DIP2A: variants seen among roughly 807,000 people sequenced by gnomAD.
DIP2A encodes the protein disco-interacting protein 2 homolog A.
In DIP2A, 85 loss-of-function variants were observed where a neutral mutation model predicts 177.4. The ratio of observed to expected loss-of-function variants is 0.48; its 90% CI spans 0.40 to 0.57. The LOEUF (loss-of-function observed/expected upper bound fraction) is 0.57. Among genes scored for constraint, DIP2A ranks in the 20% least tolerant of loss-of-function variants. The pLI is 0.00. For missense variants in DIP2A, 1,791 were observed against 2,100.2 expected, an observed-to-expected ratio of 0.85 and a Z score of 2.88; for synonymous variants, 886 against 881.8, an observed-to-expected ratio of 1.00 and a Z score of -0.08.
chr21:46,493,124 G>A (rs900101418), intron 3 of DIP2A, among the ~76,000 whole-genome samples: 2 of 152,122 alleles, frequency 1.3e-5, no homozygotes, highest in Non-Finnish European at 2.9e-5. Flanking sequence ...TGTTGTTTAA[G>A]CCACTTAGTT....
intron 8 of DIP2A, among the ~76,000 whole-genome samples, chr21:46,513,834 A>C (rs1456037395): frequency 6.6e-6 from 1 of 152,168 alleles, no homozygotes; most frequent in Admixed American, 6.5e-5. Flanking sequence ...AATAAATATA[A>C]TGCAAATATT....
At chr21:46,486,939 G>A (rs777422054) in intron 2 of DIP2A, among the ~76,000 whole-genome samples, 3 of 152,176 alleles carry the variant, frequency 2.0e-5, no homozygotes, top group Admixed American at 6.5e-5. Flanking sequence ...AACATCGTGA[G>A]GATGAAGGAA....
chr21:46,486,091 AG>A (rs113394932), intron 2 of DIP2A, among the ~76,000 whole-genome samples: 45,200 of 89,806 alleles, frequency 0.5, 12,097 homozygotes, highest in East Asian at 0.66. Flanking sequence ...AAAAAAAAAA[AG>A]AACTAAAGAA....
intron 35 of DIP2A, among the ~76,000 whole-genome samples, chr21:46,565,509 C>A (rs1264299219): frequency 6.6e-6 from 1 of 152,238 alleles, no homozygotes; most frequent in African/African-American, 2.4e-5. Flanking sequence ...GGAAGAAACA[C>A]AGTATTTAAG....
At chr21:46,497,758 T>TA (rs1263269627) in intron 4 of DIP2A, among the ~76,000 whole-genome samples, 3 of 152,164 alleles carry the variant, frequency 2.0e-5, no homozygotes, top group Non-Finnish European at 4.4e-5. Context: ...TATTTGGAGA[T>TA]ACTACACAAT....
chr21:46,550,204 C>T, intron 22 of DIP2A: 2 of 741,708 alleles, frequency 2.7e-6, no homozygotes, highest in Non-Finnish European at 4.2e-6. Flanking sequence ...CCAGTCTGTG[C>T]AATATATCTC....
intron 1 of DIP2A, among the ~76,000 whole-genome samples, chr21:46,467,165 G>A (rs989052952): frequency 6.6e-6 from 1 of 151,830 alleles, no homozygotes; most frequent in Admixed American, 6.6e-5. Flanking sequence ...GCGTGGTGGT[G>A]GGTGCCTGTA....
chr21:46,570,510 A>G, downstream of DIP2A, among the ~76,000 whole-genome samples: 1 of 151,556 alleles, frequency 6.6e-6, no homozygotes, highest in East Asian at 1.9e-4. Context: ...AAGAATTATA[A>G]CCTCCATATA....
chr21:46,550,530 C>A lies in DIP2A; in HGVS notation c.2638-13C>A, dbSNP rs1172921864. The A allele has an allele frequency of 6.2e-7, 1 of 1,608,522 alleles. No individual in the cohort carries two copies. The highest frequency in any genetic ancestry group is 1.7e-5 in the Admixed American group (1 of 59,164). ...GTTGGGGGCCTGTGCCAAACAGGGT[C>A]CTTCCCTTTCAGGCCATTGATAGCA... On this transcript the variant is annotated splice_polypyrimidine_tract_variant and intron_variant, in intron 22 of 37. Transcript: ENST00000417564.
chr21:46,549,104 T>C (rs1048401314), intron 21 of DIP2A, among the ~76,000 whole-genome samples: 5 of 152,164 alleles, frequency 3.3e-5, no homozygotes, highest in African/African-American at 1.2e-4. Flanking sequence ...AACTCAGTAC[T>C]AGGTGAGGTC....
chr21:46,476,671 G>A (rs1001305967), intron 1 of DIP2A, among the ~76,000 whole-genome samples: 26 of 81,054 alleles, frequency 3.2e-4, no homozygotes, highest in African/African-American at 1.2e-3. Context: ...TTTTTTTTTT[G>A]GAGACAGAGT....
rs1011462881 is a variant in DIP2A, at chr21:46,567,743, C to T, written c.*121C>T. ...GCCCTTCCTGTGCTCTTACAGATCCCTCTCAACAATCCCCGCATCTCCTTT... is the reference window on the plus strand; with the variant it reads ...GCCCTTCCTGTGCTCTTACAGATCCTTCTCAACAATCCCCGCATCTCCTTT... On this transcript the variant is annotated 3_prime_UTR_variant, in exon 38 of 38. Transcript: ENST00000417564. 6.5e-6 allele frequency: 8 copies of T among 1,225,278 alleles called. No individual in the cohort carries two copies. The highest frequency in any genetic ancestry group is 8.8e-6 in the Non-Finnish European group (8 of 906,482). The allele number at this position is 1,225,278 out of a possible 1,614,324, so 75.9% of individuals were successfully genotyped here. A position where few individuals can be genotyped will look rare whatever the true frequency, so the allele number is the denominator to read the frequency against.
chr21:46,558,527 C>G (rs762925883), intron 32 of DIP2A, 134 bp downstream of exon 32: 4 of 854,942 alleles, frequency 4.7e-6, no homozygotes, highest in East Asian at 5.3e-5. Context: ...TATCTCATTT[C>G]CATGTAACAT....
In DIP2A at chr21:46,557,623, T is replaced by C; in HGVS notation, c.3668T>C (p.Leu1223Pro). The C allele has an allele frequency of 6.2e-7, 1 of 1,613,370 alleles. No homozygotes were observed. Among genetic ancestry groups the C allele is most frequent in the Non-Finnish European group, 8.5e-7 (1 of 1,179,788 alleles). ...CACCAATCAGTGCTGGTGCCCCCGC[T>C]GGAGCTGGAGAGCAACGTGTCCCTG... ...SGHQSVLVPP[L>P]ELESNVSLWL... Residue 1223 changes from leucine to proline, a missense_variant, in exon 31 of 38, where the codon CTG (leucine) becomes CCG (proline). Leu to Pro is a moderately conservative substitution (Grantham distance 98). Transcript: ENST00000417564. This position sits in a 1 kb window ranked among gnomAD's most constrained non-coding sequence, Gnocchi z 6.0.
chr21:46,519,831 C>T (rs1417156499), intron 8 of DIP2A, among the ~76,000 whole-genome samples: 2 of 143,356 alleles, frequency 1.4e-5, no homozygotes, highest in Admixed American at 1.4e-4. Flanking sequence ...TTCCAGTGTG[C>T]CCAGAATTAG....
chr21:46,557,693 C>T lies in DIP2A; in HGVS notation c.3738C>T (p.Cys1246=), dbSNP rs758611343. 1.9e-6 allele frequency: 3 copies of T among 1,613,694 alleles called. No homozygotes were observed. Among genetic ancestry groups the T allele is most frequent in the South Asian group, 2.2e-5 (2 of 91,060 alleles). Reference sequence around the variant, plus strand: ...AGTACAAGGCCCGCGTCACCTTCTGCTCCTACTCTGTGATGGAGATGTGCA... The same window carrying T: ...AGTACAAGGCCCGCGTCACCTTCTGTTCCTACTCTGTGATGGAGATGTGCA... ...VSQYKARVTF[C]SYSVMEMCTK... The change falls in exon 31 of 38, where the codon TGC becomes TGT. Residue 1246 remains cysteine, a synonymous_variant. Transcript: ENST00000417564. The surrounding 1 kb of genome is among the most constrained non-coding windows in gnomAD (Gnocchi z 6.0).
intron 1 of DIP2A, among the ~76,000 whole-genome samples, chr21:46,482,298 C>T (rs895837783): frequency 6.6e-6 from 1 of 152,180 alleles, no homozygotes; most frequent in African/African-American, 2.4e-5. Context: ...CGATTGACCA[C>T]ATATATAACA....
chr21:46,561,841 G>A (rs369061812), intron 34 of DIP2A, 36 bp downstream of exon 34: 74 of 1,611,672 alleles, frequency 4.6e-5, no homozygotes, highest in Middle Eastern at 1.7e-4. Context: ...TCTGAGTCGC[G>A]TCTGAGACCT....
chr21:46,542,154 A>G (rs2059846283), intron 18 of DIP2A, among the ~76,000 whole-genome samples: 1 of 151,590 alleles, frequency 6.6e-6, no homozygotes, highest in Non-Finnish European at 1.5e-5. Context: ...TTTCAGTGTA[A>G]ATTGGAATTT....
Sources: gnomAD v4.1 joint callset for allele counts (sites outside exome capture counted in the v4.1 genomes callset) on GRCh38, gnomAD v4.1.1 for gene constraint, Gnocchi (gnomAD v3.1) non-coding constraint, MANE v1.5 for transcripts, NCBI Gene and HGNC (gene_info 2026-07-23, HGNC 2026-07-21) for gene names.